The following KLHL40 variants were observed in gnomAD, a reference collection of about 807,000 sequenced individuals.
KLHL40 encodes the protein kelch like family member 40, also known as kelch-like protein 40.
A neutral mutation model predicts 49.7 loss-of-function variants in KLHL40; 44 were observed. The ratio of observed to expected loss-of-function variants is 0.89; its 90% CI spans 0.70 to 1.14. The LOEUF is 1.14. Ranked by LOEUF, KLHL40 falls within the 50% of genes most tolerant of loss-of-function variation. The pLI is 0.00. For synonymous variants in KLHL40, 409 were observed against 365.2 expected (o/e 1.12, Z -1.37); for missense variants, 892 against 850.3 (o/e 1.05, Z -0.61).
chr3:42,690,580 T>C (rs1342108515), intron 4 of KLHL40, among the ~76,000 whole-genome samples: 1 of 151,954 alleles, frequency 6.6e-6, no homozygotes, highest in Non-Finnish European at 1.5e-5. Context: ...GTGGAGTTAG[T>C]TCAGGAGAGG....
chr3:42,686,226 G>T lies in KLHL40; in HGVS notation c.608G>T (p.Gly203Val). Residue 203 changes from glycine (G) to valine (V), a missense_variant, in exon 1 of 6, where the codon GGT (glycine) becomes GTT (valine). Physicochemically the swap from Gly to Val is moderately radical, Grantham distance 109. Coordinates refer to ENST00000287777, the MANE Select transcript of KLHL40 (RefSeq NM_152393.4). ...AVFEAVMRWA[G>V]SGDAEAQAER... ...TTCGAGGCGGTGATGCGGTGGGCGG[G>T]TAGCGGCGACGCCGAGGCGCAGGCT... 4.5e-6 allele frequency: 7 copies of T among 1,557,348 alleles called. No individual in the cohort carries two copies. Among genetic ancestry groups the T allele is most frequent in the Non-Finnish European group, 6.1e-6 (7 of 1,153,742 alleles).
chr3:42,685,602 A>AC lies in KLHL40; in HGVS notation c.-14dup, dbSNP rs1559613173. The AC allele has an allele frequency of 1.3e-6, 2 of 1,565,336 alleles. No homozygotes were observed. Among genetic ancestry groups the AC allele is most frequent in the Admixed American group, 3.7e-5 (2 of 54,164 alleles). On this transcript the variant is annotated 5_prime_UTR_variant, in exon 1 of 6. Coordinates refer to ENST00000287777, the MANE Select transcript of KLHL40 (RefSeq NM_152393.4). Reference sequence around the variant, plus strand: ...GGAGCCCCCTTGGCACCGCCACCGCACCCTAGGCCACCCACCATGGCGCTG... The same window carrying AC: ...GGAGCCCCCTTGGCACCGCCACCGCACCCCTAGGCCACCCACCATGGCGCTG...
chr3:42,690,375 T>A (rs1448903607), intron 4 of KLHL40, among the ~76,000 whole-genome samples: 10 of 152,166 alleles, frequency 6.6e-5, no homozygotes, highest in African/African-American at 2.2e-4. Flanking sequence ...AGGTCAGTTT[T>A]GGAGGATGGG....
At position 42,688,374 on chromosome 3, in the gene KLHL40, C is replaced by T. The variant is rs1697306360; in HGVS notation, c.1313+72C>T. On this transcript the variant is annotated intron_variant, in intron 2 of 5. Coordinates refer to ENST00000287777, the MANE Select transcript of KLHL40 (RefSeq NM_152393.4). This position sits in a 1 kb window ranked among gnomAD's most constrained non-coding sequence, Gnocchi z 4.2. ...CATGGAGGCCGCAGCTGGTCTAGGG[C>T]CTGGGGTGGGATTTGGAGCTAGAGC... The T allele has an allele frequency of 3.2e-6, 5 of 1,547,102 alleles. No individual in the cohort carries two copies. In the South Asian group the frequency reaches 5.6e-5, roughly 17 times the overall value.
rs1295747186 is a variant in KLHL40 at position 42,686,152 on chromosome 3, C to T, written c.534C>T (p.Ile178=). The change falls in exon 1 of 6, where the codon ATC becomes ATT. Residue 178 remains isoleucine (I), a synonymous_variant. Transcript: ENST00000287777. ...DFLGLSADEL[I]AIISSDGLNV... ...TCGGACTCTCGGCCGACGAGCTCAT[C>T]GCCATCATCTCCAGCGACGGCCTTA... 6 of 1,595,258 alleles carry T rather than the reference C, an allele frequency of 3.8e-6. No homozygotes were observed. Among genetic ancestry groups the T allele is most frequent in the Non-Finnish European group, 4.3e-6 (5 of 1,175,904 alleles).
At position 42,686,068 on chromosome 3, in the gene KLHL40, G is replaced by T; in HGVS notation, c.450G>T (p.Val150=). ...TGCTCGACTGCGCGCGTCTCGCCGT[G>T]GCTGCCCGCGACTTCATCTGCGCTC... ...GLLLDCARLA[V]AARDFICAHF... Residue 150 remains valine (V), a synonymous_variant, in exon 1 of 6, where the codon GTG becomes GTT. Transcript: ENST00000287777. The T allele has an allele frequency of 6.2e-7, 1 of 1,604,340 alleles. No homozygotes were observed.
Position 42,686,611 on chromosome 3 carries a change from C to G in KLHL40, c.993C>G (p.Tyr331Ter). ...FMISEEGAVA[Y>*]DPAANECYCA... ...TCAGTGAGGAGGGCGCTGTGGCCTA[C>G]GATCCAGCAGCCAACGAGTGCTACT... Residue 331 changes from tyrosine (Y) to a stop codon, truncating the protein, a stop_gained, in exon 1 of 6, where the codon TAC becomes TAG. Coordinates refer to ENST00000287777, the MANE Select transcript of KLHL40 (RefSeq NM_152393.4). LOFTEE classifies it high-confidence loss of function. The G allele has an allele frequency of 8.7e-6, 14 of 1,614,088 alleles. No homozygotes were observed. The highest frequency in any genetic ancestry group is 1.2e-5 in the Non-Finnish European group (14 of 1,180,034).
Position 42,686,755 on chromosome 3 carries a change from C to T in KLHL40, c.1137C>T (p.Ser379=), listed in dbSNP as rs1325188363. Residue 379 remains serine (S), a synonymous_variant, in exon 1 of 6, where the codon AGC becomes AGT. Coordinates refer to ENST00000287777, the MANE Select transcript of KLHL40 (RefSeq NM_152393.4). The stretch of plus-strand genomic sequence containing the variant: ...AAGACAACAAAGAGGACCCCATGAG[C>T]GCATACTTCCTGCAGGTGCCTGACC... The part of the protein sequence containing the change: ...YNEDNKEDPM[S]AYFLQFDHLD... The T allele has an allele frequency of 1.2e-6, 2 of 1,609,222 alleles. No individual in the cohort carries two copies. Among genetic ancestry groups the T allele is most frequent in the African/African-American group, 2.7e-5 (2 of 74,762 alleles).
chr3:42,686,369 C>G lies in KLHL40; in HGVS notation c.751C>G (p.Leu251Val). The G allele has an allele frequency of 6.2e-7, 1 of 1,613,284 alleles. No homozygotes were observed. Among genetic ancestry groups the G allele is most frequent in the Non-Finnish European group, 8.5e-7 (1 of 1,179,928 alleles). Residue 251 changes from leucine (L) to valine (V), a missense_variant, in exon 1 of 6, where the codon CTG (leucine) becomes GTG (valine). By Grantham distance (32) the Leu-to-Val change is conservative (BLOSUM62 1). Transcript: ENST00000287777. ...TCTCGTGCGTGCCCAGCCCGAGTTG[C>G]TGCGCAAGGTGCAGATGGTGAAGGA... ...HPLVRAQPEL[L>V]RKVQMVKDAH...
At chr3:42,687,368 G>C (rs989420078) in intron 1 of KLHL40, among the ~76,000 whole-genome samples, 2 of 152,290 alleles carry the variant, frequency 1.3e-5, no homozygotes, top group Admixed American at 6.5e-5. Context: ...GCCAAGGAAC[G>C]GTAAGCAAGG....
intron 4 of KLHL40, among the ~76,000 whole-genome samples, chr3:42,690,172 G>C (rs1045887495): frequency 6.6e-6 from 1 of 152,186 alleles, no homozygotes; most frequent in Non-Finnish European, 1.5e-5. Context: ...AGCACACGGA[G>C]GGGCCAAGCT....
Position 42,690,850 on chromosome 3 carries a change from C to A in KLHL40, c.1608-9C>A. 6.3e-7 allele frequency: 1 copy of A among 1,587,074 alleles called. No individual in the cohort carries two copies. Among genetic ancestry groups the A allele is most frequent in the Non-Finnish European group, 8.6e-7 (1 of 1,166,666 alleles). The stretch of plus-strand genomic sequence containing the variant: ...CATCCCAATGATGCACCTTCTCACA[C>A]ACCCCCAGGTGGGCACCCTTCGAGG... On this transcript the variant is annotated splice_polypyrimidine_tract_variant and intron_variant, in intron 4 of 5. Coordinates refer to ENST00000287777, the MANE Select transcript of KLHL40 (RefSeq NM_152393.4).
Position 42,686,003 on chromosome 3 carries a change from T to G in KLHL40, c.385T>G (p.Cys129Gly), listed in dbSNP as rs765939784. 5 of 1,611,160 alleles carry G rather than the reference T, an allele frequency of 3.1e-6. No homozygotes were observed. The highest frequency in any genetic ancestry group is 3.3e-5 in the Admixed American group (2 of 60,012). Residue 129 changes from cysteine (C) to glycine (G), a missense_variant, in exon 1 of 6, where the codon TGC becomes GGC. By Grantham distance (159) the Cys-to-Gly change is radical. Coordinates refer to ENST00000287777, the MANE Select transcript of KLHL40 (RefSeq NM_152393.4). Reference protein sequence around the residue: ...ICVSFLQKRLCLSNCLAVFRL... With the variant: ...ICVSFLQKRLGLSNCLAVFRL... ...CGTGTCCTTCCTGCAGAAGCGCCTGTGCCTCTCCAACTGCTTGGCCGTCTT... is the reference window on the plus strand; with the variant it reads ...CGTGTCCTTCCTGCAGAAGCGCCTGGGCCTCTCCAACTGCTTGGCCGTCTT...
chr3:42,685,605 C>T lies in KLHL40; in HGVS notation c.-14C>T. 1.3e-6 allele frequency: 2 copies of T among 1,571,132 alleles called. No homozygotes were observed. Among genetic ancestry groups the T allele is most frequent in the Non-Finnish European group, 1.7e-6 (2 of 1,157,860 alleles). ...GCCCCCTTGGCACCGCCACCGCACC[C>T]TAGGCCACCCACCATGGCGCTGGGC... is the stretch of plus-strand genomic sequence containing the variant. On this transcript the variant is annotated 5_prime_UTR_variant, in exon 1 of 6. Transcript: ENST00000287777.
In KLHL40 at chr3:42,685,670, C is replaced by T. The variant is rs888481518; in HGVS notation, c.52C>T (p.Leu18Phe). The T allele has an allele frequency of 6.2e-7, 1 of 1,612,360 alleles. No homozygotes were observed. The highest frequency in any genetic ancestry group is 8.5e-7 in the Non-Finnish European group (1 of 1,179,482). The stretch of plus-strand genomic sequence containing the variant: ...GGAGCAGCGGTTGTACCAGCAGACG[C>T]TCCTGCAAGACGGGCTCAAAGACAT... ...AEEQRLYQQT[L>F]LQDGLKDMLD... The change falls in exon 1 of 6, where the codon CTC (leucine) becomes TTC (phenylalanine). Residue 18 changes from leucine (L) to phenylalanine (F), a missense_variant. Transcript: ENST00000287777.
Position 42,686,152 on chromosome 3 carries a change from C to A in KLHL40, c.534C>A (p.Ile178=). The change falls in exon 1 of 6, where the codon ATC becomes ATA. Residue 178 remains isoleucine (I), a synonymous_variant. Coordinates refer to ENST00000287777, the MANE Select transcript of KLHL40 (RefSeq NM_152393.4). ...DFLGLSADEL[I]AIISSDGLNV... ...TCGGACTCTCGGCCGACGAGCTCAT[C>A]GCCATCATCTCCAGCGACGGCCTTA... 6.3e-7 allele frequency: 1 copy of A among 1,595,376 alleles called. No individual in the cohort carries two copies.
In KLHL40 at chr3:42,685,858, C is replaced by T. The variant is rs1216266204; in HGVS notation, c.240C>T (p.Asp80=). 1 of 1,613,156 alleles carries T rather than the reference C, an allele frequency of 6.2e-7. No individual in the cohort carries two copies. Among genetic ancestry groups the T allele is most frequent in the Admixed American group, 1.7e-5 (1 of 60,032 alleles). The change falls in exon 1 of 6, where the codon GAC becomes GAT. Residue 80 remains aspartate (D), a synonymous_variant. Transcript: ENST00000287777. ...TGCACCTGGAGGAGGTGTCCCCGGA[C>T]GTGGTGGCCCAGGTGCTGCACTACC... ...GELHLEEVSP[D]VVAQVLHYLY...
In KLHL40 at chr3:42,686,036, G is replaced by T; in HGVS notation, c.418G>T (p.Gly140Cys). The change falls in exon 1 of 6, where the codon GGC becomes TGC. Residue 140 changes from glycine (G) to cysteine (C), a missense_variant. Transcript: ENST00000287777. ...CAACTGCTTGGCCGTCTTCCGTCTC[G>T]GCCTCCTGCTCGACTGCGCGCGTCT... is the stretch of plus-strand genomic sequence containing the variant. ...LSNCLAVFRLGLLLDCARLAV... is the reference protein window; with the variant it reads ...LSNCLAVFRLCLLLDCARLAV... The T allele has an allele frequency of 6.2e-7, 1 of 1,608,504 alleles. No individual in the cohort carries two copies.
In KLHL40 at chr3:42,692,404, A is replaced by C; in HGVS notation, c.*411A>C. 1 of 406,366 alleles carries C rather than the reference A, an allele frequency of 2.5e-6. No individual in the cohort carries two copies. The highest frequency in any genetic ancestry group is 4.5e-6 in the Non-Finnish European group (1 of 220,430). 25.2% of individuals were successfully genotyped at this position (406,366 alleles called of 1,614,324 possible). On this transcript the variant is annotated 3_prime_UTR_variant, in exon 6 of 6. Transcript: ENST00000287777. ...AGATATGTCTCCTTCTTTAGGAAGAATAAAGTGCCTTCTGAGCAAGCAGCT... is the reference window on the plus strand; with the variant it reads ...AGATATGTCTCCTTCTTTAGGAAGACTAAAGTGCCTTCTGAGCAAGCAGCT...
Sources: allele counts gnomAD v4.1 joint callset (sites outside exome capture counted in the v4.1 genomes callset), GRCh38; gene constraint gnomAD v4.1.1; non-coding constraint Gnocchi (gnomAD v3.1); transcripts MANE v1.5; gene names NCBI Gene and HGNC (gene_info 2026-07-23, HGNC 2026-07-21).